EYS: variants seen among roughly 807,000 people sequenced by gnomAD.
EYS encodes EGF-like photoreceptor maintenance factor.
EYS carries 250 observed loss-of-function variants against 282.1 expected under a neutral mutation model. The observed-to-expected ratio is 0.89, with a 90% CI of 0.80 to 0.98. EYS has a LOEUF of 0.98. EYS is among the 50% of genes least tolerant of loss of function. The pLI, the probability that EYS is intolerant of heterozygous loss-of-function variation, is 0.00. For synonymous variants in EYS, 1,355 were observed against 1,282.9 expected, an observed-to-expected ratio of 1.06 and a Z score of -1.20; for missense variants, 4,016 against 3,709.0, an observed-to-expected ratio of 1.08 and a Z score of -2.15.
intron 36 of EYS, among the ~76,000 whole-genome samples, chr6:63,844,427 C>A (rs116535632): frequency 1.3e-5 from 2 of 152,114 alleles, no homozygotes; most frequent in South Asian, 4.1e-4. Flanking sequence ...TGAGGAATGT[C>A]CACACTGTCT....
chr6:64,705,786 A>G (rs1231482997), intron 22 of EYS, among the ~76,000 whole-genome samples: 1 of 138,184 alleles, frequency 7.2e-6, no homozygotes, highest in African/African-American at 2.7e-5. Flanking sequence ...ATGAGATCAC[A>G]TGGACGCAGG....
At chr6:65,672,165 G>A (rs182739566) in intron 1 of EYS, among the ~76,000 whole-genome samples, 2 of 152,218 alleles carry the variant, frequency 1.3e-5, no homozygotes, top group Admixed American at 1.3e-4. Flanking sequence ...GGGGAAAAGA[G>A]AAGAATAAAA....
At chr6:65,621,067 G>T (rs1157450167) in intron 2 of EYS, among the ~76,000 whole-genome samples, 1 of 152,130 alleles carries the variant, frequency 6.6e-6, no homozygotes, top group Non-Finnish European at 1.5e-5. Flanking sequence ...TATCTATTAG[G>T]TCTGCTTGGT....
At chr6:63,772,415 G>T (rs986981710) in intron 40 of EYS, among the ~76,000 whole-genome samples, 1 of 151,984 alleles carries the variant, frequency 6.6e-6, no homozygotes, top group South Asian at 2.1e-4. Flanking sequence ...AATGATTAAT[G>T]TTAATATAAT....
chr6:64,241,095 A>G (rs959456714), intron 30 of EYS, among the ~76,000 whole-genome samples: 1 of 152,124 alleles, frequency 6.6e-6, no homozygotes, highest in African/African-American at 2.4e-5. Context: ...CCCAGGGATG[A>G]AGCCGACTTG....
intron 36 of EYS, among the ~76,000 whole-genome samples, chr6:63,853,308 C>G (rs960968869): frequency 2.6e-5 from 4 of 152,076 alleles, no homozygotes; most frequent in African/African-American, 9.7e-5. Flanking sequence ...AATCAATATG[C>G]AAAAATCACA....
chr6:65,017,992 A>G (rs758450336), intron 13 of EYS, among the ~76,000 whole-genome samples: 36 of 152,208 alleles, frequency 2.4e-4, no homozygotes, highest in African/African-American at 3.6e-4. Flanking sequence ...TATGGAGCCA[A>G]TAAACTCAAG....
chr6:64,250,358 C>A (rs1407859313), intron 30 of EYS, among the ~76,000 whole-genome samples: 2 of 152,138 alleles, frequency 1.3e-5, no homozygotes. Context: ...TACCATTTTT[C>A]ACCTGGGGGC....
chr6:64,688,326 A>G (rs927813221), intron 22 of EYS, among the ~76,000 whole-genome samples: 1 of 151,798 alleles, frequency 6.6e-6, no homozygotes, highest in South Asian at 2.1e-4. Flanking sequence ...TAGGGTGTCA[A>G]TTTTAGATCT....
At chr6:64,407,578 G>A (rs1291745759) in intron 28 of EYS, among the ~76,000 whole-genome samples, 1 of 152,062 alleles carries the variant, frequency 6.6e-6, no homozygotes, top group East Asian at 1.9e-4. Context: ...TTCCTCACAG[G>A]TGATATTAAG....
chr6:64,870,544 A>T (rs1766564989), intron 19 of EYS, among the ~76,000 whole-genome samples: 1 of 151,722 alleles, frequency 6.6e-6, no homozygotes, highest in Admixed American at 6.6e-5. Context: ...GAAAGAAGGA[A>T]ACAGGAAAAG....
intron 33 of EYS, among the ~76,000 whole-genome samples, chr6:64,043,611 G>A (rs187742054): frequency 5.3e-5 from 8 of 152,338 alleles, no homozygotes; most frequent in Admixed American, 2.0e-4. Flanking sequence ...CCTTTGGATA[G>A]TCCTGTAGAA....
chr6:65,442,536 G>A (rs993310920), intron 5 of EYS, among the ~76,000 whole-genome samples: 9 of 151,794 alleles, frequency 5.9e-5, no homozygotes, highest in Admixed American at 2.6e-4. Context: ...GGCAGATCAC[G>A]AGGTCAGGAG....
intron 19 of EYS, among the ~76,000 whole-genome samples, chr6:64,879,041 G>A (rs528502496): frequency 2.6e-5 from 4 of 152,184 alleles, no homozygotes; most frequent in African/African-American, 9.6e-5. Context: ...TTTAGAGCAC[G>A]GTAGAAAAAA....
intron 12 of EYS, among the ~76,000 whole-genome samples, chr6:65,266,294 G>A (rs1767750551): frequency 6.6e-6 from 1 of 151,752 alleles, no homozygotes; most frequent in South Asian, 2.1e-4. Flanking sequence ...TTTAAGGACT[G>A]GTTAGAGAAT....
At chr6:65,162,515 T>C (rs1039908862) in intron 12 of EYS, among the ~76,000 whole-genome samples, 2 of 151,244 alleles carry the variant, frequency 1.3e-5, no homozygotes, top group Admixed American at 6.6e-5. Flanking sequence ...ATTAGACACA[T>C]ATAGTACATT....
chr6:63,859,091 T>G (rs1381672350), intron 36 of EYS, among the ~76,000 whole-genome samples: 4 of 115,538 alleles, frequency 3.5e-5, no homozygotes, highest in East Asian at 2.3e-4. Flanking sequence ...TTTTTTTTTT[T>G]TTTTTTTTTT....
intron 13 of EYS, among the ~76,000 whole-genome samples, chr6:65,002,057 A>ATATTT (rs1561913947): frequency 6.9e-6 from 1 of 145,378 alleles, no homozygotes; most frequent in Non-Finnish European, 1.5e-5. Context: ...TAAAAGTCAA[A>ATATTT]TATAATACAT....
intron 41 of EYS, among the ~76,000 whole-genome samples, chr6:63,731,568 C>G (rs1768781667): frequency 6.6e-6 from 1 of 152,072 alleles, no homozygotes; most frequent in Non-Finnish European, 1.5e-5. Flanking sequence ...AAAAACATTA[C>G]TCAACACATA....
Sources: gnomAD v4.1 joint callset for allele counts (sites outside exome capture counted in the v4.1 genomes callset) on GRCh38, gnomAD v4.1.1 for gene constraint, MANE v1.5 for transcripts, NCBI Gene and HGNC (gene_info 2026-07-23, HGNC 2026-07-21) for gene names.